PPP4R4: variants seen among roughly 807,000 people sequenced by gnomAD.
The protein encoded by PPP4R4 is protein phosphatase 4 regulatory subunit 4.
Under a neutral mutation model 121.8 loss-of-function variants are expected in PPP4R4, and 70 were observed. The observed-to-expected ratio is 0.57, with a 90% CI of 0.47 to 0.70. PPP4R4 has a LOEUF of 0.70. PPP4R4 is among the 30% of genes least tolerant of loss of function. The probability of loss-of-function intolerance (pLI) is 0.00; values close to 1 mark genes in which losing one functional copy is unlikely to be tolerated. For synonymous variants in PPP4R4, 348 were observed against 355.7 expected (o/e 0.98, Z 0.24); for missense variants, 875 against 1,033.6 (o/e 0.85, Z 2.10).
intron 2 of PPP4R4, among the ~76,000 whole-genome samples, chr14:94,191,922 G>A (rs1234203927): frequency 6.6e-6 from 1 of 152,102 alleles, no homozygotes; most frequent in East Asian, 1.9e-4. Context: ...GCTATGGACT[G>A]AGAAATCATA....
At chr14:94,227,618 A>G in intron 3 of PPP4R4, 1 of 1,212,638 alleles carries the variant, frequency 8.2e-7, no homozygotes, top group Non-Finnish European at 1.0e-6. Context: ...ACTAAGTAAT[A>G]CAGTAAGAAG....
intron 2 of PPP4R4, among the ~76,000 whole-genome samples, chr14:94,183,004 C>T (rs1241327549): frequency 3.3e-5 from 5 of 151,922 alleles, no homozygotes; most frequent in African/African-American, 9.7e-5. Flanking sequence ...TTAGATGTTT[C>T]GTTTCTCTGT....
Position 94,267,272 on chromosome 14 carries a change from G to A in PPP4R4, c.2449+243G>A, listed in dbSNP as rs191019792. ...AAATAGAAAAAGAACAAAAGTGATA[G>A]GGTATGTTTTGCCATACTGGGAAGG... On this transcript the variant is annotated intron_variant, in intron 23 of 24. Transcript: ENST00000304338. 6.6e-5 allele frequency among the ~76,000 whole-genome samples: 10 copies of A among 152,246 alleles called. No individual in the cohort carries two copies. In the East Asian group the frequency reaches 1.7e-3, roughly 26 times the overall value.
intron 2 of PPP4R4, among the ~76,000 whole-genome samples, chr14:94,199,134 T>C (rs1890033398): frequency 6.6e-6 from 1 of 152,240 alleles, no homozygotes; most frequent in Non-Finnish European, 1.5e-5. Context: ...TTAACAGTAT[T>C]GAGTCTTTGA....
At chr14:94,219,028 C>T (rs915335750) in intron 3 of PPP4R4, among the ~76,000 whole-genome samples, 4 of 149,392 alleles carry the variant, frequency 2.7e-5, no homozygotes, top group African/African-American at 9.8e-5. Context: ...TATATCAAAT[C>T]TATACCACAA....
chr14:94,273,996 C>T (rs996458470), intron 23 of PPP4R4, among the ~76,000 whole-genome samples: 1 of 152,076 alleles, frequency 6.6e-6, no homozygotes, highest in African/African-American at 2.4e-5. Flanking sequence ...CCATCATCCC[C>T]TCTGACACTC....
At chr14:94,232,597 T>A (rs1892100328) in intron 5 of PPP4R4, among the ~76,000 whole-genome samples, 1 of 152,234 alleles carries the variant, frequency 6.6e-6, no homozygotes, top group Non-Finnish European at 1.5e-5. Flanking sequence ...TAATTTATTC[T>A]AAACTTTTCA....
chr14:94,179,734 T>C (rs992219338), intron 2 of PPP4R4, among the ~76,000 whole-genome samples: 1 of 152,216 alleles, frequency 6.6e-6, no homozygotes, highest in African/African-American at 2.4e-5. Context: ...TTAGTGGCGC[T>C]TTCTTCAATT....
At chr14:94,200,795 T>G (rs558918375) in intron 2 of PPP4R4, among the ~76,000 whole-genome samples, 4 of 123,600 alleles carry the variant, frequency 3.2e-5, no homozygotes, top group Non-Finnish European at 7.9e-5. Context: ...TTGTTTCACT[T>G]ATCTTTTGTA....
rs978279895 is a variant in PPP4R4, at chr14:94,279,620, T to C, written c.*977T>C. ...GAAGATATTTGTTTTTTAAAATATA[T>C]TGATGTATGATAAAGATGATCTAAT... On this transcript the variant is annotated 3_prime_UTR_variant, in exon 25 of 25. Coordinates refer to ENST00000304338, the MANE Select transcript of PPP4R4 (RefSeq NM_058237.2). The C allele has an allele frequency of 3.3e-5, 5 of 152,612 alleles. No individual in the cohort carries two copies. Among genetic ancestry groups the C allele is most frequent in the African/African-American group, 1.2e-4 (5 of 41,456 alleles). The allele number at this position is 152,612 out of a possible 1,614,324, so 9.5% of individuals were successfully genotyped here.
At position 94,214,314 on chromosome 14, in the gene PPP4R4, G is replaced by T. The variant is rs76331612; in HGVS notation, c.294+5748G>T. Among the ~76,000 whole-genome samples the T allele has an allele frequency of 7.8e-3, 1,187 of 152,192 alleles. 44 individuals carry two copies. The East Asian group carries it at 0.081, about 10-fold the overall frequency. On this transcript the variant is annotated intron_variant, in intron 3 of 24. Transcript: ENST00000304338. Reference sequence around the variant, plus strand: ...GAGAGACTTTTTGGGGGTTTGGAGAGGATTTGGGAAATATATAATAAAGAA... The same window carrying T: ...GAGAGACTTTTTGGGGGTTTGGAGATGATTTGGGAAATATATAATAAAGAA...
At chr14:94,265,247 A>G (rs1251259518) in intron 20 of PPP4R4, 140 bp from the exon 21 acceptor site, 7 of 653,098 alleles carry the variant, frequency 1.1e-5, no homozygotes, top group Non-Finnish European at 1.9e-5. Flanking sequence ...ATATGTAAAT[A>G]TTACCAAGTA....
intron 3 of PPP4R4, among the ~76,000 whole-genome samples, chr14:94,214,450 A>G (rs1890910853): frequency 6.6e-6 from 1 of 151,990 alleles, no homozygotes; most frequent in Admixed American, 6.6e-5. Context: ...GGCTGCAGTG[A>G]ATAGTTACTG....
rs114745139 is a variant in PPP4R4, at chr14:94,229,855, A to C, written c.295-732A>C. 6.1e-3 allele frequency among the ~76,000 whole-genome samples: 924 copies of C among 151,880 alleles called. 10 individuals carry two copies. Among genetic ancestry groups the C allele is most frequent in the African/African-American group, 0.021 (852 of 41,428 alleles). ...ACAAACACACACACTTTCTCTCTCT[A>C]TCTCTCTCTCTCATAGAGAAGTACA... is the stretch of plus-strand genomic sequence containing the variant. On this transcript the variant is annotated intron_variant, in intron 3 of 24. Coordinates refer to ENST00000304338, the MANE Select transcript of PPP4R4 (RefSeq NM_058237.2).
At chr14:94,270,732 C>A (rs1894277126) in intron 23 of PPP4R4, among the ~76,000 whole-genome samples, 1 of 151,904 alleles carries the variant, frequency 6.6e-6, no homozygotes, top group African/African-American at 2.4e-5. Flanking sequence ...CCTGCCTGAC[C>A]AACATGGCAA....
chr14:94,249,557 C>A (rs1023820694), intron 14 of PPP4R4, among the ~76,000 whole-genome samples: 1 of 151,950 alleles, frequency 6.6e-6, no homozygotes. Context: ...ATGGTTTGAA[C>A]CCAAACCCAG....
intron 1 of PPP4R4, chr14:94,175,553 AT>A (rs1021871027): frequency 1.3e-5 from 2 of 155,088 alleles, no homozygotes; most frequent in African/African-American, 4.8e-5. Context: ...ACCTGCCGCA[AT>A]ATCTCAAATC....
intron 1 of PPP4R4, 60 bp downstream of exon 1, chr14:94,174,642 C>T (rs1173172943): frequency 2.5e-6 from 4 of 1,588,542 alleles, no homozygotes; most frequent in Non-Finnish European, 3.4e-6. Flanking sequence ...CGCGCGGTCC[C>T]GCGCTGATCT....
At chr14:94,242,966 G>C (rs779499139) in intron 11 of PPP4R4, among the ~76,000 whole-genome samples, 1 of 152,150 alleles carries the variant, frequency 6.6e-6, no homozygotes. Flanking sequence ...AGAAGTGCAC[G>C]TATGCCGTGG....
Sources: gnomAD v4.1 joint callset for allele counts (sites outside exome capture counted in the v4.1 genomes callset) on GRCh38, gnomAD v4.1.1 for gene constraint, MANE v1.5 for transcripts, NCBI Gene and HGNC (gene_info 2026-07-23, HGNC 2026-07-21) for gene names.